Variants in COLEC10 observed in about 807,000 individuals in gnomAD.
COLEC10 encodes collectin-10.
A neutral mutation model predicts 28.4 loss-of-function variants in COLEC10; 22 were observed. That is an observed-to-expected ratio of 0.78 (90% CI 0.55 to 1.11). The LOEUF is 1.11. Among genes scored for constraint, COLEC10 ranks in the 50% least tolerant of loss-of-function variants. The pLI is 0.00. For missense variants in COLEC10, 361 were observed against 344.1 expected (o/e 1.05, Z -0.39); for synonymous variants, 125 against 116.1 (o/e 1.08, Z -0.49).
chr8:119,096,412 C>A (rs976217565), intron 3 of COLEC10, among the ~76,000 whole-genome samples: 1 of 152,004 alleles, frequency 6.6e-6, no homozygotes, highest in Non-Finnish European at 1.5e-5. Flanking sequence ...GCCAGCATGG[C>A]GAAACCCCAT....
chr8:118,988,507 T>C, the COLEC10 span, among the ~76,000 whole-genome samples: 12 of 151,888 alleles, frequency 7.9e-5, no homozygotes, highest in African/African-American at 2.7e-4. Flanking sequence ...TTCAAGGAAA[T>C]AGACTGGGAA....
chr8:118,993,391 G>A (rs1813537290), upstream of COLEC10, among the ~76,000 whole-genome samples: 1 of 152,080 alleles, frequency 6.6e-6, no homozygotes, highest in Non-Finnish European at 1.5e-5. Flanking sequence ...TTTCACTCTT[G>A]TTGCCCAGGC....
chr8:118,991,255 C>A (rs1482818388), upstream of COLEC10, among the ~76,000 whole-genome samples: 1 of 152,120 alleles, frequency 6.6e-6, no homozygotes, highest in Non-Finnish European at 1.5e-5. Flanking sequence ...GCAACACTTA[C>A]TAGCTATGTG....
intron 2 of COLEC10, among the ~76,000 whole-genome samples, chr8:119,047,490 G>A (rs1215173743): frequency 2.0e-5 from 3 of 152,144 alleles, no homozygotes; most frequent in Non-Finnish European, 4.4e-5. Context: ...TATTGCATTT[G>A]GTGCACTGAC....
chr8:118,995,249 G>T (rs34794571), upstream of COLEC10, among the ~76,000 whole-genome samples: 48 of 152,140 alleles, frequency 3.2e-4, no homozygotes, highest in Admixed American at 1.1e-3. Flanking sequence ...CTAAGAAAAT[G>T]CATATAAGTG....
intron 2 of COLEC10, among the ~76,000 whole-genome samples, chr8:119,057,472 C>T (rs1814785036): frequency 1.3e-5 from 2 of 152,004 alleles, no homozygotes; most frequent in Non-Finnish European, 2.9e-5. Flanking sequence ...GATCAGGTGC[C>T]TCTCCTCAGG....
intron 1 of COLEC10, among the ~76,000 whole-genome samples, chr8:118,996,665 CTAGTCTATTTGTGT>C (rs1813595437): frequency 6.6e-6 from 1 of 152,088 alleles, no homozygotes; most frequent in African/African-American, 2.4e-5. Context: ...GCTTTCTGTG[CTAGTCTATTTGTGT>C]TACCACAGTG....
the COLEC10 span, among the ~76,000 whole-genome samples, chr8:118,977,437 C>A: frequency 6.8e-6 from 1 of 146,698 alleles, no homozygotes; most frequent in Admixed American, 6.8e-5. Context: ...ATGATGAGTT[C>A]ATGTCCTTTG....
intron 1 of COLEC10, among the ~76,000 whole-genome samples, chr8:118,998,879 T>A (rs4587360): frequency 0.53 from 77,695 of 147,370 alleles, 21,700 homozygotes; most frequent in African/African-American, 0.72. Context: ...TTAACTTGGA[T>A]ATGCTTGACT....
intron 1 of COLEC10, among the ~76,000 whole-genome samples, chr8:119,086,568 GATA>G: frequency 6.6e-6 from 1 of 152,252 alleles, no homozygotes; most frequent in South Asian, 2.1e-4. Context: ...TGGGTTGAAG[GATA>G]ATAAATAATC....
At chr8:119,039,464 C>T (rs1314777491) in intron 2 of COLEC10, among the ~76,000 whole-genome samples, 2 of 152,182 alleles carry the variant, frequency 1.3e-5, no homozygotes, top group Non-Finnish European at 2.9e-5. Flanking sequence ...GTTGACAACA[C>T]TGTGCCAGTG....
At chr8:119,018,493 G>T (rs887240635) in intron 2 of COLEC10, among the ~76,000 whole-genome samples, 2 of 152,106 alleles carry the variant, frequency 1.3e-5, no homozygotes, top group East Asian at 3.9e-4. Context: ...CTATTTACAG[G>T]GCTGTTAAAA....
chr8:119,064,086 C>G (rs1414915722), upstream of COLEC10, among the ~76,000 whole-genome samples: 1 of 152,090 alleles, frequency 6.6e-6, no homozygotes, highest in Non-Finnish European at 1.5e-5. Flanking sequence ...TTTTAAATGT[C>G]AGTAGAAACC....
At chr8:119,098,583 T>C (rs1815765069) in intron 3 of COLEC10, among the ~76,000 whole-genome samples, 1 of 152,088 alleles carries the variant, frequency 6.6e-6, no homozygotes, top group Non-Finnish European at 1.5e-5. Flanking sequence ...GTTGGGACCC[T>C]AGTATTTAAC....
chr8:119,059,331 GTTTTATC>G lies in COLEC10; in HGVS notation n.236-30342_236-30336del, dbSNP rs948969669. ...TATGTTTTTTTCAAGAAGTTTTATA[GTTTTATC>G]TTTTATATGTAAGCCTTTGATACAT... On this transcript the variant is annotated intron_variant and non_coding_transcript_variant, in intron 2 of 6. Transcript: ENST00000521788. Among the ~76,000 whole-genome samples the G allele has an allele frequency of 1.1e-4, 17 of 151,364 alleles. No homozygotes were observed. The East Asian group carries it at 2.3e-3, about 21-fold the overall frequency.
At chr8:118,987,267 A>T in the COLEC10 span, among the ~76,000 whole-genome samples, 2 of 152,156 alleles carry the variant, frequency 1.3e-5, no homozygotes, top group Non-Finnish European at 2.9e-5. Flanking sequence ...AAGGAGCAAG[A>T]ATGATTGATA....
rs116438708 is a variant in COLEC10 at position 119,055,579 on chromosome 8, C to G, written n.236-34101C>G. ...GCCTCAAAAATGTCAAGTCACAACT[C>G]AGGTTTAACAGTTTCTATTACACAT... On this transcript the variant is annotated intron_variant and non_coding_transcript_variant, in intron 2 of 6. Coordinates refer to the COLEC10 transcript ENST00000521788. Among the ~76,000 whole-genome samples, 534 of 152,134 alleles carry G rather than the reference C, an allele frequency of 3.5e-3. 3 individuals are homozygous for G. The highest frequency in any genetic ancestry group is 0.012 in the African/African-American group (500 of 41,544).
the COLEC10 span, among the ~76,000 whole-genome samples, chr8:118,970,288 C>T: frequency 6.6e-6 from 1 of 152,014 alleles, no homozygotes; most frequent in Non-Finnish European, 1.5e-5. Flanking sequence ...GAGCCACTGC[C>T]TGTATGGACA....
intron 2 of COLEC10, among the ~76,000 whole-genome samples, chr8:119,023,022 G>C (rs1814126128): frequency 6.6e-6 from 1 of 151,980 alleles, no homozygotes; most frequent in Admixed American, 6.6e-5. Context: ...AAGCAACTGT[G>C]GTAATTCCTG....
Sources: allele counts gnomAD v4.1 joint callset (sites outside exome capture counted in the v4.1 genomes callset), GRCh38; gene constraint gnomAD v4.1.1; transcripts MANE v1.5; gene names NCBI Gene and HGNC (gene_info 2026-07-23, HGNC 2026-07-21).